Variants in GZMA observed in about 807,000 individuals in gnomAD.
The protein encoded by GZMA is CTL tryptase.
Under a neutral mutation model 21.1 loss-of-function variants are expected in GZMA, and 17 were observed. That is an observed-to-expected ratio of 0.81 (90% CI 0.55 to 1.21). GZMA has a LOEUF of 1.21. GZMA is among the 50% of genes most tolerant of loss of function. The probability of loss-of-function intolerance (pLI) is 0.00; values close to 1 mark genes in which losing one functional copy is unlikely to be tolerated. For missense variants in GZMA, 306 were observed against 315.9 expected (o/e 0.97, Z 0.24); for synonymous variants, 90 against 107.8 (o/e 0.83, Z 1.03).
chr5:55,105,408 A>G, intron 1 of GZMA, 66 bp from the exon 2 acceptor site: 3 of 1,415,026 alleles, frequency 2.1e-6, no homozygotes, highest in Admixed American at 3.9e-5. Context: ...GGTCTTAGAA[A>G]CATGACTTTG....
In GZMA at chr5:55,108,319, C is replaced by A. The variant is rs778251293; in HGVS notation, c.552C>A (p.His184Gln). The change falls in exon 4 of 5, where the codon CAC becomes CAA. Residue 184 changes from histidine (H) to glutamine (Q), a missense_variant. By Grantham distance (24) the His-to-Gln change is conservative. Coordinates refer to ENST00000274306, the MANE Select transcript of GZMA (RefSeq NM_006144.4). The stretch of plus-strand genomic sequence containing the variant: ...GAAAAGTCTGCAATGATCGAAATCA[C>A]TATAATTTTAACCCTGTGATTGGAA... ...IDRKVCNDRN[H>Q]YNFNPVIGMN... 3.7e-6 allele frequency: 6 copies of A among 1,613,356 alleles called. No homozygotes were observed. The highest frequency in any genetic ancestry group is 3.4e-6 in the Non-Finnish European group (4 of 1,179,346).
At chr5:55,109,572 C>T (rs562420694) in intron 4 of GZMA, among the ~76,000 whole-genome samples, 9 of 152,186 alleles carry the variant, frequency 5.9e-5, no homozygotes, top group Non-Finnish European at 1.2e-4. Flanking sequence ...CTTTATAAGG[C>T]CAACTTTTGC....
intron 4 of GZMA, among the ~76,000 whole-genome samples, 191 bp from the exon 5 acceptor site, chr5:55,109,830 A>G (rs1482204503): frequency 6.6e-6 from 1 of 152,240 alleles, no homozygotes; most frequent in African/African-American, 2.4e-5. Flanking sequence ...TGGCTCATAA[A>G]TAAACCAAGT....
chr5:55,105,443 C>A, intron 1 of GZMA, 31 bp from the exon 2 acceptor site: 1 of 1,600,642 alleles, frequency 6.2e-7, no homozygotes, highest in Admixed American at 1.7e-5. Flanking sequence ...GGGGTGAGCA[C>A]CAATCTGATT....
Position 55,105,619 on chromosome 5 carries a change from G to T in GZMA, c.215+1G>T. On this transcript the variant is annotated splice_donor_variant, in intron 2 of 4. Coordinates refer to ENST00000274306, the MANE Select transcript of GZMA (RefSeq NM_006144.4). LOFTEE classifies it high-confidence loss of function. ...TGTTGACTGCAGCTCACTGTAACTTGTAAGTGCCTGGGTTTTTAAAAAAAA... is the reference window on the plus strand; with the variant it reads ...TGTTGACTGCAGCTCACTGTAACTTTTAAGTGCCTGGGTTTTTAAAAAAAA... The T allele has an allele frequency of 1.2e-6, 2 of 1,611,884 alleles. No individual in the cohort carries two copies. The highest frequency in any genetic ancestry group is 8.5e-7 in the Non-Finnish European group (1 of 1,178,526).
At chr5:55,103,896 C>T (rs1489389947) in intron 1 of GZMA, among the ~76,000 whole-genome samples, 3 of 151,988 alleles carry the variant, frequency 2.0e-5, no homozygotes, top group African/African-American at 7.3e-5. Flanking sequence ...ATCCCAGCTA[C>T]GCAGGAGGCT....
At chr5:55,107,765 C>T in intron 2 of GZMA, 29 bp from the exon 3 acceptor site, 1 of 1,592,668 alleles carries the variant, frequency 6.3e-7, no homozygotes, top group African/African-American at 1.3e-5. Context: ...AAGAATAAAT[C>T]CAGTAAATAA....
intron 1 of GZMA, among the ~76,000 whole-genome samples, chr5:55,103,399 A>G (rs1742335559): frequency 6.6e-6 from 1 of 152,074 alleles, no homozygotes; most frequent in Admixed American, 6.5e-5. Context: ...TCCCTCATTA[A>G]CCCTTTGGGT....
chr5:55,104,881 T>C (rs899477787), intron 1 of GZMA, among the ~76,000 whole-genome samples: 1 of 152,142 alleles, frequency 6.6e-6, no homozygotes, highest in African/African-American at 2.4e-5. Context: ...GGTCTAGAGA[T>C]TGAAGGGGAG....
intron 2 of GZMA, among the ~76,000 whole-genome samples, chr5:55,106,896 T>G (rs1742426639): frequency 1.3e-5 from 2 of 152,222 alleles, no homozygotes; most frequent in East Asian, 3.9e-4. Context: ...TAGCCACATT[T>G]CAAGTCCTCA....
intron 2 of GZMA, among the ~76,000 whole-genome samples, 153 bp downstream of exon 2, chr5:55,105,771 G>A (rs2111754672): frequency 6.6e-6 from 1 of 152,106 alleles, no homozygotes; most frequent in East Asian, 1.9e-4. Context: ...TCAGGAGTTT[G>A]AGACTAGCCT....
intron 1 of GZMA, among the ~76,000 whole-genome samples, chr5:55,103,336 T>C (rs2111748388): frequency 6.6e-6 from 1 of 152,340 alleles, no homozygotes; most frequent in African/African-American, 2.4e-5. Flanking sequence ...ATTTTTATAC[T>C]TATTTCTCTG....
At chr5:55,109,750 C>T (rs1742470710) in intron 4 of GZMA, among the ~76,000 whole-genome samples, 1 of 152,178 alleles carries the variant, frequency 6.6e-6, no homozygotes, top group Non-Finnish European at 1.5e-5. Flanking sequence ...AGGAGACTTT[C>T]CTTTCCAAAA....
chr5:55,106,065 T>A (rs1340880077), intron 2 of GZMA, among the ~76,000 whole-genome samples: 1 of 7,602 alleles, frequency 1.3e-4, no homozygotes, highest in African/African-American at 6.2e-4. Flanking sequence ...TAAAATAAAA[T>A]AAAATAAATA....
At chr5:55,107,763 A>G in intron 2 of GZMA, 31 bp from the exon 3 acceptor site, 3 of 1,592,306 alleles carry the variant, frequency 1.9e-6, no homozygotes, top group Non-Finnish European at 2.6e-6. Flanking sequence ...CAAAGAATAA[A>G]TCCAGTAAAT....
At chr5:55,105,818 C>T (rs536287430) in intron 2 of GZMA, among the ~76,000 whole-genome samples, 200 bp downstream of exon 2, 1 of 151,308 alleles carries the variant, frequency 6.6e-6, no homozygotes, top group South Asian at 2.1e-4. Context: ...ATTAAAAATA[C>T]AAAATTAGCC....
Position 55,105,573 on chromosome 5 carries a change from C to T in GZMA, c.170C>T (p.Ala57Val). ...SLDRKTICAG[A>V]LIAKDWVLTA... ...GACAGAAAAACCATCTGTGCTGGGG[C>T]TTTGATTGCAAAAGACTGGGTGTTG... Residue 57 changes from alanine (A) to valine (V), a missense_variant, in exon 2 of 5, where the codon GCT (alanine) becomes GTT (valine). Physicochemically the swap from Ala to Val is moderately conservative, Grantham distance 64. Transcript: ENST00000274306. 6.2e-7 allele frequency: 1 copy of T among 1,613,674 alleles called. No homozygotes were observed.
At chr5:55,105,081 A>G (rs1742363711) in intron 1 of GZMA, among the ~76,000 whole-genome samples, 1 of 152,124 alleles carries the variant, frequency 6.6e-6, no homozygotes, top group African/African-American at 2.4e-5. Flanking sequence ...AGTCTTATCT[A>G]TTTCCCCCAA....
chr5:55,106,715 T>G (rs1287751852), intron 2 of GZMA, among the ~76,000 whole-genome samples: 2 of 152,170 alleles, frequency 1.3e-5, no homozygotes, highest in Non-Finnish European at 2.9e-5. Context: ...ATCTCTTCAC[T>G]CCTGTCGACC....
Sources: allele counts gnomAD v4.1 joint callset (sites outside exome capture counted in the v4.1 genomes callset), GRCh38; gene constraint gnomAD v4.1.1; transcripts MANE v1.5; gene names NCBI Gene and HGNC (gene_info 2026-07-23, HGNC 2026-07-21).